The following ZSCAN20 variants were observed in gnomAD, a reference collection of about 807,000 sequenced individuals.
The protein encoded by ZSCAN20 is zinc finger and SCAN domain-containing protein 20.
ZSCAN20 carries 39 observed loss-of-function variants against 97.1 expected under a neutral mutation model. The observed-to-expected ratio is 0.40, with a 90% CI of 0.31 to 0.52. The LOEUF is 0.52. Ranked by LOEUF, ZSCAN20 falls within the 20% of genes least tolerant of loss-of-function variation. The pLI is 0.49. For missense variants in ZSCAN20, 1,115 were observed against 1,290.4 expected, an observed-to-expected ratio of 0.86 and a Z score of 2.08; for synonymous variants, 456 against 467.3, an observed-to-expected ratio of 0.98 and a Z score of 0.31.
chr1:33,472,674 A>C lies in ZSCAN20; in HGVS notation c.-128A>C, dbSNP rs967853695. 1 of 150,664 alleles carries C rather than the reference A, an allele frequency of 6.6e-6. No homozygotes were observed. Among genetic ancestry groups the C allele is most frequent in the Non-Finnish European group, 1.5e-5 (1 of 67,692 alleles). 9.3% of individuals were successfully genotyped at this position (150,664 alleles called of 1,614,324 possible). On this transcript the variant is annotated 5_prime_UTR_variant, in exon 1 of 8. Transcript: ENST00000684572. ...CCGGGAGCACTTCCGCCCTGTTGTGAAGTGGGTGTCTCGGTGGGTGAGTCC... is the reference window on the plus strand; with the variant it reads ...CCGGGAGCACTTCCGCCCTGTTGTGCAGTGGGTGTCTCGGTGGGTGAGTCC...
At position 33,495,436 on chromosome 1, in the gene ZSCAN20, G is replaced by T; in HGVS notation, c.3092G>T (p.Ser1031Ile). ...GACTTCAACAACAGTTCCCACTTCA[G>T]TGCTCACCGGAGAACCCATGCAGGA... Reference protein sequence around the residue: ...GKDFNNSSHFSAHRRTHAGGK... With the variant: ...GKDFNNSSHFIAHRRTHAGGK... The change falls in exon 8 of 8, where the codon AGT becomes ATT. Residue 1031 changes from serine to isoleucine, a missense_variant. Coordinates refer to ENST00000684572, the MANE Select transcript of ZSCAN20 (RefSeq NM_001377376.1). 6.4e-7 allele frequency: 1 copy of T among 1,567,614 alleles called. No individual in the cohort carries two copies. Among genetic ancestry groups the T allele is most frequent in the Non-Finnish European group, 8.6e-7 (1 of 1,156,484 alleles).
In ZSCAN20 at chr1:33,493,511, G is replaced by T; in HGVS notation, c.1769G>T (p.Cys590Phe). Residue 590 changes from cysteine to phenylalanine, a missense_variant, in exon 7 of 8, where the codon TGT (cysteine) becomes TTT (phenylalanine). Transcript: ENST00000684572. The surrounding 1 kb of genome is among the most constrained non-coding windows in gnomAD (Gnocchi z 4.3). The stretch of plus-strand genomic sequence containing the variant: ...CGAGAGGCTGCAGGTCTCCCTAGGT[G>T]TGGGCAGAGTAGTGCTGAGACTGAT... ...TVREAAGLPR[C>F]GQSSAETDAQ... 1 of 1,614,154 alleles carries T rather than the reference G, an allele frequency of 6.2e-7. No homozygotes were observed. The highest frequency in any genetic ancestry group is 8.5e-7 in the Non-Finnish European group (1 of 1,180,006).
chr1:33,473,903 T>C (rs1211619314), intron 1 of ZSCAN20, among the ~76,000 whole-genome samples: 1 of 152,186 alleles, frequency 6.6e-6, no homozygotes. Flanking sequence ...AAGCAGTAAA[T>C]ACTTGATGTA....
At position 33,485,584 on chromosome 1, in the gene ZSCAN20, AT is replaced by A. The variant is rs565672286; in HGVS notation, c.418-2871del. 4.1e-5 allele frequency among the ~76,000 whole-genome samples: 6 copies of A among 147,980 alleles called. No individual in the cohort carries two copies. The South Asian group carries it at 8.6e-4, about 21-fold the overall frequency. Reference sequence around the variant, plus strand: ...CACCATGCCCAGCTAACTTTTGTATATTTTTTTTTTGTTGAGATGGGATTTC... The same window carrying A: ...CACCATGCCCAGCTAACTTTTGTATATTTTTTTTTGTTGAGATGGGATTTC... On this transcript the variant is annotated intron_variant, in intron 2 of 7. Coordinates refer to ENST00000684572, the MANE Select transcript of ZSCAN20 (RefSeq NM_001377376.1).
At chr1:33,480,461 A>G (rs930370305) in intron 2 of ZSCAN20, among the ~76,000 whole-genome samples, 2 of 152,242 alleles carry the variant, frequency 1.3e-5, no homozygotes, top group Non-Finnish European at 1.5e-5. Context: ...TTTCTACTGC[A>G]TGTCAGATGC....
At chr1:33,494,158 A>C (rs1652739672) in intron 7 of ZSCAN20, 60 bp from the exon 8 acceptor site, 1 of 1,439,190 alleles carries the variant, frequency 6.9e-7, no homozygotes, top group Non-Finnish European at 9.4e-7. Context: ...GACACACACA[A>C]ACACACACAC....
rs147499810 is a variant in ZSCAN20, at chr1:33,485,667, C to T, written c.418-2798C>T. The stretch of plus-strand genomic sequence containing the variant: ...GGCTTCAAATGATCCACCACCTTGG[C>T]CTTCCAGAGTGCTGGGGTTACATGT... On this transcript the variant is annotated intron_variant, in intron 2 of 7. Transcript: ENST00000684572. Among the ~76,000 whole-genome samples the T allele has an allele frequency of 4.9e-3, 741 of 152,158 alleles. 2 individuals carry two copies. Among genetic ancestry groups the T allele is most frequent in the African/African-American group, 0.017 (711 of 41,506 alleles).
At chr1:33,476,111 G>A (rs781363334) in intron 1 of ZSCAN20, among the ~76,000 whole-genome samples, 1 of 152,198 alleles carries the variant, frequency 6.6e-6, no homozygotes, top group African/African-American at 2.4e-5. Flanking sequence ...CACCTTGTGG[G>A]CACTCAGTAA....
In ZSCAN20 at chr1:33,500,347, C is replaced by T. The variant is rs981936154; in HGVS notation, c.*4871C>T. Among the ~76,000 whole-genome samples, 2 of 152,118 alleles carry T rather than the reference C, an allele frequency of 1.3e-5. No individual in the cohort carries two copies. Among genetic ancestry groups the T allele is most frequent in the Admixed American group, 6.5e-5 (1 of 15,276 alleles). The stretch of plus-strand genomic sequence containing the variant: ...AGGAACCCTACAGGAGCCTGCACCC[C>T]AGTAACCCCATTTTATGCTGCTTGG... On this transcript the variant is annotated 3_prime_UTR_variant, in exon 8 of 8. Transcript: ENST00000684572.
At chr1:33,487,858 C>T (rs1448637022) in intron 2 of ZSCAN20, among the ~76,000 whole-genome samples, 1 of 151,964 alleles carries the variant, frequency 6.6e-6, no homozygotes, top group African/African-American at 2.4e-5. Context: ...TGCTATGTTG[C>T]CCAGGCTGGT....
chr1:33,472,718 A>C (rs1651772223), intron 1 of ZSCAN20, 27 bp downstream of exon 1: 1 of 150,014 alleles, frequency 6.7e-6, no homozygotes, highest in Non-Finnish European at 1.5e-5. Flanking sequence ...GGGCGGGGGC[A>C]GCTGAGACGC....
At position 33,493,408 on chromosome 1, in the gene ZSCAN20, C is replaced by T; in HGVS notation, c.1666C>T (p.Pro556Ser). 3 of 1,614,222 alleles carry T rather than the reference C, an allele frequency of 1.9e-6. No individual in the cohort carries two copies. Among genetic ancestry groups the T allele is most frequent in the Non-Finnish European group, 2.5e-6 (3 of 1,180,046 alleles). ...SYRKAKSSHPPGTCPFYEELD... is the reference protein window; with the variant it reads ...SYRKAKSSHPSGTCPFYEELD... ...CCGGAAAGCCAAGAGCAGCCACCCA[C>T]CAGGGACATGCCCTTTCTATGAGGA... The change falls in exon 7 of 8, where the codon CCA becomes TCA. Residue 556 changes from proline to serine, a missense_variant. Transcript: ENST00000684572. This position sits in a 1 kb window ranked among gnomAD's most constrained non-coding sequence, Gnocchi z 4.3.
Position 33,493,416 on chromosome 1 carries a change from A to T in ZSCAN20, c.1674A>T (p.Thr558=), listed in dbSNP as rs751263704. 1 of 1,614,224 alleles carries T rather than the reference A, an allele frequency of 6.2e-7. No individual in the cohort carries two copies. Among genetic ancestry groups the T allele is most frequent in the African/African-American group, 1.3e-5 (1 of 75,058 alleles). ...CCAAGAGCAGCCACCCACCAGGGAC[A>T]TGCCCTTTCTATGAGGAACTGGACT... ...RKAKSSHPPG[T]CPFYEELDSL... The change falls in exon 7 of 8, where the codon ACA becomes ACT. Residue 558 remains threonine, a synonymous_variant. Coordinates refer to ENST00000684572, the MANE Select transcript of ZSCAN20 (RefSeq NM_001377376.1). This position sits in a 1 kb window ranked among gnomAD's most constrained non-coding sequence, Gnocchi z 4.3.
Position 33,479,299 on chromosome 1 carries a change from C to G in ZSCAN20, c.11C>G (p.Ala4Gly), listed in dbSNP as rs1652048587. 1 of 1,606,020 alleles carries G rather than the reference C, an allele frequency of 6.2e-7. No homozygotes were observed. Among genetic ancestry groups the G allele is most frequent in the Non-Finnish European group, 8.5e-7 (1 of 1,175,692 alleles). Residue 4 changes from alanine to glycine, a missense_variant, in exon 2 of 8, where the codon GCC becomes GGC. Around this residue, in one of 3 missense-constraint regions of ZSCAN20, gnomAD observed 508 missense variants for 611.2 expected, o/e 0.83. Coordinates refer to ENST00000684572, the MANE Select transcript of ZSCAN20 (RefSeq NM_001377376.1). ...TGTCTGGGTTAGACAATGGCTATGGCCCTGGAATTGCAAGCCCAGGCATCT... is the reference window on the plus strand; with the variant it reads ...TGTCTGGGTTAGACAATGGCTATGGGCCTGGAATTGCAAGCCCAGGCATCT... MAMALELQAQASPQ... is the reference protein window; with the variant it reads MAMGLELQAQASPQ...
At chr1:33,478,034 A>G (rs1652001367) in intron 1 of ZSCAN20, among the ~76,000 whole-genome samples, 1 of 152,124 alleles carries the variant, frequency 6.6e-6, no homozygotes, top group Admixed American at 6.5e-5. Context: ...GTGGTGTAAG[A>G]TCTGGAAGCT....
At chr1:33,489,968 A>G (rs1159065701) in intron 5 of ZSCAN20, among the ~76,000 whole-genome samples, 1 of 152,188 alleles carries the variant, frequency 6.6e-6, no homozygotes, top group Non-Finnish European at 1.5e-5. Context: ...CATGAGACCA[A>G]TGAATTAAAC....
intron 2 of ZSCAN20, among the ~76,000 whole-genome samples, chr1:33,487,997 T>C (rs779593245): frequency 3.9e-5 from 6 of 152,184 alleles, no homozygotes; most frequent in Non-Finnish European, 8.8e-5. Flanking sequence ...ATTTTAAAAA[T>C]ATCTTTCTCT....
chr1:33,478,288 T>G (rs991276918), intron 1 of ZSCAN20, among the ~76,000 whole-genome samples: 4 of 152,094 alleles, frequency 2.6e-5, no homozygotes, highest in African/African-American at 9.7e-5. Flanking sequence ...GATGATTCTC[T>G]GCACTGAAGT....
At chr1:33,484,619 CTTTT>C (rs34906889) in intron 2 of ZSCAN20, among the ~76,000 whole-genome samples, 1 of 133,474 alleles carries the variant, frequency 7.5e-6, no homozygotes, top group Non-Finnish European at 1.6e-5. Context: ...GATTTTGCAT[CTTTT>C]TTTTTTTTTT....
Sources: allele counts gnomAD v4.1 joint callset (sites outside exome capture counted in the v4.1 genomes callset), GRCh38; gene constraint gnomAD v4.1.1; regional missense constraint gnomAD v4.1.1; non-coding constraint Gnocchi (gnomAD v3.1); transcripts MANE v1.5; gene names NCBI Gene and HGNC (gene_info 2026-07-23, HGNC 2026-07-21).